The following UPP2 variants were observed in gnomAD, a reference collection of about 807,000 sequenced individuals.
UPP2 encodes the protein UPase 2.
A neutral mutation model predicts 26.7 loss-of-function variants in UPP2; 23 were observed. That is an observed-to-expected ratio of 0.86 (90% CI 0.62 to 1.22). UPP2 has a LOEUF of 1.22. UPP2 is among the 50% of genes most tolerant of loss of function. The pLI is 0.00. For missense variants in UPP2, 387 were observed against 396.7 expected, an observed-to-expected ratio of 0.98 and a Z score of 0.21; for synonymous variants, 127 against 141.3, an observed-to-expected ratio of 0.90 and a Z score of 0.72.
chr2:158,002,981 G>A (rs1327074094), intron 2 of UPP2, among the ~76,000 whole-genome samples: 1 of 151,622 alleles, frequency 6.6e-6, no homozygotes, highest in African/African-American at 2.4e-5. Context: ...GGCCATCTAT[G>A]CTTTAGGTCT....
Position 158,135,621 on chromosome 2 carries a change from T to C in UPP2, c.*731T>C, listed in dbSNP as rs953001569. 1 of 152,234 alleles carries C rather than the reference T, an allele frequency of 6.6e-6. No homozygotes were observed. Among genetic ancestry groups the C allele is most frequent in the African/African-American group, 2.4e-5 (1 of 41,460 alleles). 9.4% of individuals were successfully genotyped at this position (152,234 alleles called of 1,614,324 possible). ...TGTAAAAAAAGTGTTTTGAGGAGGC[T>C]GTATTTTTTATTCCATTTCAATATT... On this transcript the variant is annotated 3_prime_UTR_variant, in exon 7 of 7. Transcript: ENST00000005756.
intron 3 of UPP2, among the ~76,000 whole-genome samples, chr2:158,053,305 C>A (rs887155886): frequency 2.0e-5 from 3 of 152,158 alleles, no homozygotes; most frequent in Non-Finnish European, 4.4e-5. Context: ...ACACTGGGTG[C>A]TCTGTTATGT....
upstream of UPP2, among the ~76,000 whole-genome samples, chr2:158,100,741 C>T (rs567160810): frequency 8.5e-5 from 13 of 152,310 alleles, no homozygotes; most frequent in African/African-American, 3.1e-4. Flanking sequence ...GGATAAGTGT[C>T]CTCAGGAATT....
At chr2:158,125,847 A>G (rs1469081419) in intron 6 of UPP2, among the ~76,000 whole-genome samples, 1 of 152,222 alleles carries the variant, frequency 6.6e-6, no homozygotes, top group East Asian at 1.9e-4. Flanking sequence ...GGACACCTGG[A>G]TTCAGATGGT....
chr2:158,114,686 C>T (rs1683387193), intron 2 of UPP2, among the ~76,000 whole-genome samples: 1 of 152,104 alleles, frequency 6.6e-6, no homozygotes, highest in African/African-American at 2.4e-5. Flanking sequence ...GAAAACATAC[C>T]TAAAACTGGT....
intron 3 of UPP2, among the ~76,000 whole-genome samples, chr2:158,057,886 C>T (rs866782363): frequency 6.6e-6 from 1 of 151,930 alleles, no homozygotes; most frequent in African/African-American, 2.4e-5. Context: ...AGTGTTGAAG[C>T]CCTAAACTCC....
chr2:158,069,244 T>G (rs960313883), intron 3 of UPP2, among the ~76,000 whole-genome samples: 17 of 152,314 alleles, frequency 1.1e-4, no homozygotes. Context: ...CTTGATTTAG[T>G]GCCCATGAGA....
chr2:158,065,517 C>A (rs750255295), intron 3 of UPP2: 1 of 426,466 alleles, frequency 2.3e-6, no homozygotes, highest in Non-Finnish European at 4.5e-6. Flanking sequence ...TTTCATAACC[C>A]TATTGAGTGT....
At chr2:158,033,608 G>A (rs1199855892) in intron 3 of UPP2, among the ~76,000 whole-genome samples, 1 of 152,146 alleles carries the variant, frequency 6.6e-6, no homozygotes, top group East Asian at 1.9e-4. Context: ...CTCCATGTAG[G>A]GCAATTCCTT....
intron 3 of UPP2, among the ~76,000 whole-genome samples, chr2:158,039,562 T>G (rs1684055602): frequency 6.6e-6 from 1 of 152,230 alleles, no homozygotes; most frequent in Non-Finnish European, 1.5e-5. Flanking sequence ...TTGAATATAA[T>G]TTTAATGGCC....
chr2:158,122,448 T>C lies in UPP2; in HGVS notation c.664+830T>C, dbSNP rs574548130. On this transcript the variant is annotated intron_variant, in intron 5 of 6. Transcript: ENST00000005756. ...TTAGTAAAGGTGGTTTCACCACATA[T>C]TTGTTGTAAAATAGAAGGGCTGTTG... is the stretch of plus-strand genomic sequence containing the variant. Among the ~76,000 whole-genome samples, 17 of 152,194 alleles carry C rather than the reference T, an allele frequency of 1.1e-4. No individual in the cohort carries two copies. In the South Asian group the frequency reaches 2.1e-3, roughly 19 times the overall value.
intron 3 of UPP2, among the ~76,000 whole-genome samples, chr2:158,048,263 G>A (rs528309684): frequency 6.6e-6 from 1 of 152,310 alleles, no homozygotes; most frequent in African/African-American, 2.4e-5. Context: ...TTGATTTCCT[G>A]AGTGGGGCCC....
At chr2:158,078,004 A>G (rs1045586446) in intron 3 of UPP2, among the ~76,000 whole-genome samples, 1 of 152,152 alleles carries the variant, frequency 6.6e-6, no homozygotes, top group Admixed American at 6.6e-5. Context: ...AAGAAGAGAT[A>G]CAAATAGCAA....
chr2:157,999,843 A>G (rs1473894717), intron 2 of UPP2, among the ~76,000 whole-genome samples: 1 of 152,170 alleles, frequency 6.6e-6, no homozygotes, highest in African/African-American at 2.4e-5. Context: ...TCACACACAC[A>G]CTTACCCAAA....
chr2:157,997,245 TA>T (rs773686348), intron 2 of UPP2, among the ~76,000 whole-genome samples: 145 of 152,194 alleles, frequency 9.5e-4, no homozygotes, highest in Non-Finnish European at 1.4e-3. Flanking sequence ...TTGGACCTCC[TA>T]TTTTTTTTTA....
intron 3 of UPP2, among the ~76,000 whole-genome samples, chr2:158,025,962 G>A (rs1377110890): frequency 6.6e-6 from 1 of 152,090 alleles, no homozygotes; most frequent in Non-Finnish European, 1.5e-5. Flanking sequence ...AAGCAGCCCC[G>A]GAAAGAAAGA....
At chr2:158,085,617 G>A (rs1328082833) in intron 3 of UPP2, among the ~76,000 whole-genome samples, 3 of 151,904 alleles carry the variant, frequency 2.0e-5, no homozygotes, top group African/African-American at 4.8e-5. Flanking sequence ...TTCCCCTATC[G>A]GTATAATGTT....
chr2:158,051,199 A>G (rs867012325), intron 3 of UPP2, among the ~76,000 whole-genome samples: 959 of 93,568 alleles, frequency 0.01, 5 homozygotes, highest in Non-Finnish European at 0.013. Context: ...GTGTGTGTGT[A>G]TGTGTGTATA....
intron 3 of UPP2, among the ~76,000 whole-genome samples, chr2:158,063,729 T>G (rs1185439648): frequency 6.6e-6 from 1 of 152,222 alleles, no homozygotes; most frequent in Admixed American, 6.5e-5. Flanking sequence ...GTATTTCTCC[T>G]AATGTTATCC....
Sources: allele counts gnomAD v4.1 joint callset (sites outside exome capture counted in the v4.1 genomes callset), GRCh38; gene constraint gnomAD v4.1.1; transcripts MANE v1.5; gene names NCBI Gene and HGNC (gene_info 2026-07-23, HGNC 2026-07-21).